Variants in EXOC6B observed in about 807,000 individuals in gnomAD.
EXOC6B encodes SEC15 homolog B.
Under a neutral mutation model 113.5 loss-of-function variants are expected in EXOC6B, and 54 were observed. That is an observed-to-expected ratio of 0.48 (90% CI 0.38 to 0.60). The LOEUF (loss-of-function observed/expected upper bound fraction) is 0.60. EXOC6B is among the 20% of genes least tolerant of loss of function. EXOC6B has a pLI of 0.00. For missense variants in EXOC6B, 797 were observed against 977.5 expected, an observed-to-expected ratio of 0.82 and a Z score of 2.46; for synonymous variants, 357 against 339.0, an observed-to-expected ratio of 1.05 and a Z score of -0.58.
chr2:72,817,157 A>C (rs182688493), intron 1 of EXOC6B, among the ~76,000 whole-genome samples: 25 of 152,332 alleles, frequency 1.6e-4, no homozygotes, highest in Admixed American at 7.8e-4. Context: ...AGCTTTATTT[A>C]TATAACATGC....
chr2:72,717,622 T>C (rs1296757272), intron 6 of EXOC6B, among the ~76,000 whole-genome samples: 1 of 152,182 alleles, frequency 6.6e-6, no homozygotes, highest in African/African-American at 2.4e-5. Flanking sequence ...TGTTAATAAA[T>C]CCTTTTCTTT....
intron 6 of EXOC6B, among the ~76,000 whole-genome samples, chr2:72,712,723 A>G (rs1286106409): frequency 2.0e-5 from 3 of 152,198 alleles, no homozygotes; most frequent in African/African-American, 7.2e-5. Context: ...ATCTCCCCTG[A>G]TTAGATCAAG....
intron 20 of EXOC6B, among the ~76,000 whole-genome samples, chr2:72,210,613 T>A (rs1257431301): frequency 6.6e-6 from 1 of 152,146 alleles, no homozygotes; most frequent in Non-Finnish European, 1.5e-5. Context: ...GGCCCCTGAG[T>A]CATTACAATC....
chr2:72,191,339 A>G (rs1174506967), intron 20 of EXOC6B, among the ~76,000 whole-genome samples: 1 of 152,192 alleles, frequency 6.6e-6, no homozygotes, highest in Non-Finnish European at 1.5e-5. Context: ...TAGCTTAGAA[A>G]GACTCAAATT....
intron 1 of EXOC6B, among the ~76,000 whole-genome samples, chr2:72,819,357 T>C (rs941969143): frequency 3.3e-5 from 5 of 152,198 alleles, no homozygotes; most frequent in African/African-American, 1.2e-4. Context: ...ATAATTAAAA[T>C]ATAAAAATGT....
chr2:72,671,207 A>G (rs897961130), intron 6 of EXOC6B, among the ~76,000 whole-genome samples: 1 of 152,224 alleles, frequency 6.6e-6, no homozygotes, highest in African/African-American at 2.4e-5. Context: ...AAAAGAAACA[A>G]TCAAGAAGGT....
intron 6 of EXOC6B, among the ~76,000 whole-genome samples, chr2:72,640,372 A>G (rs1673140161): frequency 6.6e-6 from 1 of 152,234 alleles, no homozygotes; most frequent in Admixed American, 6.5e-5. Flanking sequence ...TTATGTAAAG[A>G]GACCAAATCT....
chr2:72,216,650 C>A (rs570944985), intron 20 of EXOC6B, among the ~76,000 whole-genome samples: 2 of 152,198 alleles, frequency 1.3e-5, no homozygotes, highest in South Asian at 2.1e-4. Flanking sequence ...TGGAACCAAC[C>A]CAAATGCCCA....
intron 12 of EXOC6B, among the ~76,000 whole-genome samples, chr2:72,499,456 C>G (rs1382577773): frequency 6.6e-6 from 1 of 152,000 alleles, no homozygotes; most frequent in Non-Finnish European, 1.5e-5. Flanking sequence ...GTCTCAAACT[C>G]CTGACCTCAA....
chr2:72,340,579 A>G (rs1688969560), intron 19 of EXOC6B, among the ~76,000 whole-genome samples: 1 of 152,212 alleles, frequency 6.6e-6, no homozygotes, highest in East Asian at 1.9e-4. Context: ...GACAATGGAC[A>G]CGATAGCATC....
At chr2:72,245,570 A>G (rs1011097486) in intron 20 of EXOC6B, among the ~76,000 whole-genome samples, 2 of 152,228 alleles carry the variant, frequency 1.3e-5, no homozygotes, top group Non-Finnish European at 2.9e-5. Context: ...TGAAAAGGCT[A>G]TATGTTGTAT....
chr2:72,691,205 C>A lies in EXOC6B; in HGVS notation c.669+26898G>T, dbSNP rs148795569. On this transcript the variant is annotated intron_variant, in intron 6 of 21. Coordinates refer to ENST00000272427, the MANE Select transcript of EXOC6B (RefSeq NM_015189.3). ...AGACTGGAGTTATGCTATCACAAAT[C>A]AAGGAACACAGAGGATTGCTGGCAG... Among the ~76,000 whole-genome samples, 48 of 152,120 alleles carry A rather than the reference C, an allele frequency of 3.2e-4. 1 individual carries two copies. The highest frequency in any genetic ancestry group is 9.9e-4 in the African/African-American group (41 of 41,512).
At chr2:72,194,461 CTGTT>C (rs890388185) in intron 20 of EXOC6B, among the ~76,000 whole-genome samples, 1 of 152,100 alleles carries the variant, frequency 6.6e-6, no homozygotes, top group East Asian at 1.9e-4. Flanking sequence ...CTTTTCAAAA[CTGTT>C]TGCTGTGCAA....
At chr2:72,670,815 T>C (rs1675736098) in intron 6 of EXOC6B, among the ~76,000 whole-genome samples, 1 of 152,176 alleles carries the variant, frequency 6.6e-6, no homozygotes, top group Non-Finnish European at 1.5e-5. Context: ...CTCTCAATGT[T>C]GGAGAGTTTC....
chr2:72,468,736 G>A (rs1485521725), intron 17 of EXOC6B, among the ~76,000 whole-genome samples: 2 of 152,012 alleles, frequency 1.3e-5, no homozygotes, highest in African/African-American at 4.8e-5. Flanking sequence ...TGGGTAATAT[G>A]GAAATTCTAA....
At chr2:72,431,539 A>ATCTATCTATCT in intron 18 of EXOC6B, among the ~76,000 whole-genome samples, 3 of 150,300 alleles carry the variant, frequency 2.0e-5, no homozygotes, top group African/African-American at 4.9e-5. Context: ...CTATCTATCT[A>ATCTATCTATCT]AGACCAGGTC....
At chr2:72,448,333 G>A (rs1223712490) in intron 18 of EXOC6B, among the ~76,000 whole-genome samples, 1 of 152,046 alleles carries the variant, frequency 6.6e-6, no homozygotes. Flanking sequence ...TCTAGCTAGA[G>A]AACACATCTC....
intron 1 of EXOC6B, among the ~76,000 whole-genome samples, chr2:72,780,954 A>G (rs1315517415): frequency 6.6e-6 from 1 of 152,142 alleles, no homozygotes; most frequent in African/African-American, 2.4e-5. Flanking sequence ...TTGGGTTTTC[A>G]GGGGTTTTTA....
At chr2:72,709,202 TTTC>T (rs1409320820) in intron 6 of EXOC6B, among the ~76,000 whole-genome samples, 2 of 152,178 alleles carry the variant, frequency 1.3e-5, no homozygotes, top group African/African-American at 4.8e-5. Flanking sequence ...ATTTTGAATA[TTTC>T]TTCTTCTTTG....
Sources: gnomAD v4.1 joint callset for allele counts (sites outside exome capture counted in the v4.1 genomes callset) on GRCh38, gnomAD v4.1.1 for gene constraint, MANE v1.5 for transcripts, NCBI Gene and HGNC (gene_info 2026-07-23, HGNC 2026-07-21) for gene names.